Variants in NCOA3 observed in about 807,000 individuals in gnomAD.
NCOA3 encodes the protein nuclear receptor coactivator 3.
Under a neutral mutation model 158.8 loss-of-function variants are expected in NCOA3, and 51 were observed. The ratio of observed to expected loss-of-function variants is 0.32; its 90% CI spans 0.26 to 0.41. The LOEUF (loss-of-function observed/expected upper bound fraction) is 0.41, where lower values mean the gene tolerates loss of function less well. NCOA3 is among the 10% of genes least tolerant of loss of function. The pLI, the probability that NCOA3 is intolerant of heterozygous loss-of-function variation, is 1.00. For missense variants in NCOA3, 1,510 were observed against 1,746.6 expected, an observed-to-expected ratio of 0.86 and a Z score of 2.41; for synonymous variants, 537 against 592.4, an observed-to-expected ratio of 0.91 and a Z score of 1.36.
intron 1 of NCOA3, among the ~76,000 whole-genome samples, chr20:47,550,974 A>G (rs1055812161): frequency 5.3e-5 from 8 of 152,212 alleles, no homozygotes; most frequent in African/African-American, 1.4e-4. Flanking sequence ...TTATGATCAG[A>G]TGGAATTTAA....
At chr20:47,565,428 G>C (rs185515016) in intron 1 of NCOA3, among the ~76,000 whole-genome samples, 1 of 152,230 alleles carries the variant, frequency 6.6e-6, no homozygotes, top group East Asian at 1.9e-4. Context: ...AGATAGGTAG[G>C]GCAGGGCTGG....
chr20:47,517,961 G>GGA (rs1735527806), intron 1 of NCOA3, among the ~76,000 whole-genome samples: 1 of 152,196 alleles, frequency 6.6e-6, no homozygotes, highest in Admixed American at 6.5e-5. Flanking sequence ...ACTCTGTGAG[G>GGA]GAGACACAGG....
At chr20:47,650,282 T>C (rs2086761241) in intron 19 of NCOA3, among the ~76,000 whole-genome samples, 1 of 143,650 alleles carries the variant, frequency 7.0e-6, no homozygotes, top group South Asian at 2.2e-4. Flanking sequence ...TTTTTGAGAG[T>C]CACTGTTGCC....
chr20:47,651,122 A>AG lies in NCOA3; in HGVS notation c.3792_3793insG (p.Gln1265AlafsTer21), dbSNP rs1555818299. On this transcript the variant is annotated frameshift_variant, in exon 20 of 23. Transcript: ENST00000371998. LOFTEE classifies it high-confidence loss of function. ...AGCAGCAGCAGCAGCAGCAGCAGCA[A>AG]CAGCAACAGCAACAGCAACAGCAGC... The AG allele has an allele frequency of 2.5e-3, 3,894 of 1,547,338 alleles. 8 individuals are homozygous for AG. The highest frequency in any genetic ancestry group is 0.019 in the African/African-American group (1,257 of 65,888).
At chr20:47,524,254 G>A (rs573410030) in intron 1 of NCOA3, among the ~76,000 whole-genome samples, 12 of 151,206 alleles carry the variant, frequency 7.9e-5, no homozygotes, top group African/African-American at 2.9e-4. Flanking sequence ...ACTGCCTGCC[G>A]TGATTCACAA....
intron 16 of NCOA3, 78 bp downstream of exon 16, chr20:47,640,129 C>T (rs1002082307): frequency 3.6e-5 from 57 of 1,575,176 alleles, no homozygotes; most frequent in South Asian, 3.3e-4. Flanking sequence ...CAGAAGCAAA[C>T]GTGAAAGAGA....
intron 12 of NCOA3, among the ~76,000 whole-genome samples, chr20:47,637,298 A>G (rs149052855): frequency 3.9e-5 from 6 of 152,324 alleles, no homozygotes; most frequent in Non-Finnish European, 5.9e-5. Context: ...TTTATTATTA[A>G]TCACACTTAT....
intron 2 of NCOA3, among the ~76,000 whole-genome samples, chr20:47,595,084 G>T (rs1000110609): frequency 2.0e-5 from 3 of 150,102 alleles, no homozygotes; most frequent in African/African-American, 7.4e-5. Context: ...GAGCCACCAC[G>T]CCCAGCCTTT....
intron 2 of NCOA3, among the ~76,000 whole-genome samples, chr20:47,620,986 T>G (rs1481846275): frequency 6.6e-6 from 1 of 152,232 alleles, no homozygotes; most frequent in Admixed American, 6.5e-5. Flanking sequence ...GTGATCTGAC[T>G]GTGCCACTAC....
In NCOA3 at chr20:47,647,239, A is replaced by G; in HGVS notation, c.3419A>G (p.Asn1140Ser). 1 of 1,614,206 alleles carries G rather than the reference A, an allele frequency of 6.2e-7. No individual in the cohort carries two copies. The highest frequency in any genetic ancestry group is 1.1e-5 in the South Asian group (1 of 91,082). The change falls in exon 18 of 23, where the codon AAT becomes AGT. Residue 1140 changes from asparagine (N) to serine (S), a missense_variant. By Grantham distance (46) the Asn-to-Ser change is conservative. Transcript: ENST00000371998. ...GQSPSFNSMMNQMNQQGNFPL... is the reference protein window; with the variant it reads ...GQSPSFNSMMSQMNQQGNFPL... ...TCACCATCTTTTAACTCTATGATGA[A>G]TCAGATGAACCAGCAAGGCAATTTT...
chr20:47,647,476 CT>C (rs1299514182), intron 18 of NCOA3, 110 bp downstream of exon 18: 67 of 1,054,764 alleles, frequency 6.4e-5, no homozygotes, highest in Admixed American at 4.4e-4. Context: ...TAAAGAAATT[CT>C]TTTTGTTTTA....
At chr20:47,571,357 G>T (rs1409298315) in intron 1 of NCOA3, among the ~76,000 whole-genome samples, 5 of 138,442 alleles carry the variant, frequency 3.6e-5, no homozygotes, top group Non-Finnish European at 1.6e-5. Flanking sequence ...TCGCTCTGTT[G>T]CCCAGGCTGG....
intron 2 of NCOA3, among the ~76,000 whole-genome samples, chr20:47,613,804 G>A (rs963834246): frequency 5.9e-5 from 9 of 151,736 alleles, no homozygotes; most frequent in East Asian, 1.9e-4. Context: ...CCAGCTACTC[G>A]GGAGGCTGAG....
intron 10 of NCOA3, 86 bp downstream of exon 10, chr20:47,634,281 A>T (rs2086473054): frequency 7.6e-7 from 1 of 1,309,622 alleles, no homozygotes; most frequent in African/African-American, 1.5e-5. Context: ...GGGAAGGGAT[A>T]AAATGAGACA....
At chr20:47,565,206 C>T (rs2085173032) in intron 1 of NCOA3, among the ~76,000 whole-genome samples, 1 of 152,162 alleles carries the variant, frequency 6.6e-6, no homozygotes, top group African/African-American at 2.4e-5. Context: ...GTCTTGAACT[C>T]CTGACCTCAA....
In NCOA3 at chr20:47,638,940, T is replaced by C. The variant is rs1477581681; in HGVS notation, c.2513-68T>C. On this transcript the variant is annotated intron_variant, in intron 13 of 22. Coordinates refer to ENST00000371998, the MANE Select transcript of NCOA3 (RefSeq NM_181659.3). ...TTCTTGGGTGGGGAGTGGTGGTATTTGTGTTTTGTACTTGATTATTTATAT... is the reference window on the plus strand; with the variant it reads ...TTCTTGGGTGGGGAGTGGTGGTATTCGTGTTTTGTACTTGATTATTTATAT... 8 of 1,252,190 alleles carry C rather than the reference T, an allele frequency of 6.4e-6. No individual in the cohort carries two copies. The African/African-American group carries it at 1.2e-4, about 19-fold the overall frequency. The allele number at this position is 1,252,190 out of a possible 1,614,324, so 77.6% of individuals were successfully genotyped here. A position where few individuals can be genotyped will look rare whatever the true frequency, so the allele number is the denominator to read the frequency against.
intron 19 of NCOA3, 136 bp from the exon 20 acceptor site, chr20:47,650,844 CAG>C (rs1170176570): frequency 4.5e-5 from 37 of 814,580 alleles, no homozygotes; most frequent in Admixed American, 3.6e-4. Flanking sequence ...GCCTGGGCGA[CAG>C]AGTGAGACCC....
At chr20:47,537,800 T>TG (rs1406079686) in intron 1 of NCOA3, among the ~76,000 whole-genome samples, 5 of 152,114 alleles carry the variant, frequency 3.3e-5, no homozygotes, top group African/African-American at 1.2e-4. Flanking sequence ...AGGATGGTCT[T>TG]GATCTCCTGA....
chr20:47,530,745 G>A (rs940208002), intron 1 of NCOA3, among the ~76,000 whole-genome samples: 2 of 152,134 alleles, frequency 1.3e-5, no homozygotes, highest in South Asian at 2.1e-4. Context: ...GATTACAGGC[G>A]TGGGCCACTG....
Sources: gnomAD v4.1 joint callset for allele counts (sites outside exome capture counted in the v4.1 genomes callset) on GRCh38, gnomAD v4.1.1 for gene constraint, MANE v1.5 for transcripts, NCBI Gene and HGNC (gene_info 2026-07-23, HGNC 2026-07-21) for gene names.